LONRF2: variants seen among roughly 807,000 people sequenced by gnomAD.
LONRF2 encodes LON peptidase N-terminal domain and ring finger 2.
LONRF2 carries 35 observed loss-of-function variants against 66.6 expected under a neutral mutation model. The observed-to-expected ratio is 0.53, with a 90% CI of 0.40 to 0.70. The LOEUF is 0.70. LONRF2 is among the 30% of genes least tolerant of loss of function. LONRF2 has a pLI of 0.00. For synonymous variants in LONRF2, 417 were observed against 418.1 expected (o/e 1.00, Z 0.03); for missense variants, 902 against 1,002.1 (o/e 0.90, Z 1.35).
intron 10 of LONRF2, among the ~76,000 whole-genome samples, chr2:100,289,821 G>A (rs1197335181): frequency 1.3e-5 from 2 of 152,142 alleles, no homozygotes; most frequent in African/African-American, 4.8e-5. Flanking sequence ...GCTGAAGGCA[G>A]GGGCTCATGC....
At chr2:100,300,878 G>A in intron 3 of LONRF2, 91 bp from the exon 4 acceptor site, 2 of 982,928 alleles carry the variant, frequency 2.0e-6, no homozygotes, top group Non-Finnish European at 2.7e-6. Context: ...GAAACTAAGA[G>A]GCCAAATAAG....
rs568856819 is a variant in LONRF2 at position 100,320,551 on chromosome 2, G to T, written c.679+864C>A. Among the ~76,000 whole-genome samples, 4 of 152,296 alleles carry T rather than the reference G, an allele frequency of 2.6e-5. No individual in the cohort carries two copies. In the East Asian group the frequency reaches 7.7e-4, roughly 29 times the overall value. On this transcript the variant is annotated intron_variant, in intron 1 of 11. Coordinates refer to ENST00000393437, the MANE Select transcript of LONRF2 (RefSeq NM_198461.4). ...TAAAATGTGCACTGACTACAGCATG[G>T]TAGTAGATTATTTTAGTAACAAGAG...
At chr2:100,302,594 C>T (rs1436670750) in intron 3 of LONRF2, among the ~76,000 whole-genome samples, 1 of 152,186 alleles carries the variant, frequency 6.6e-6, no homozygotes, top group Non-Finnish European at 1.5e-5. Context: ...CGAATTGATA[C>T]ATTTTACATA....
chr2:100,305,771 A>C (rs1411656415), intron 2 of LONRF2, among the ~76,000 whole-genome samples: 2 of 152,224 alleles, frequency 1.3e-5, no homozygotes, highest in African/African-American at 4.8e-5. Context: ...ATAAATGTGA[A>C]GTTTTACTAA....
chr2:100,316,179 C>T (rs951880928), intron 1 of LONRF2, among the ~76,000 whole-genome samples: 1 of 151,726 alleles, frequency 6.6e-6, no homozygotes, highest in Non-Finnish European at 1.5e-5. Context: ...ATTAGCCAGG[C>T]GTTGTGGCAG....
intron 10 of LONRF2, among the ~76,000 whole-genome samples, chr2:100,289,886 T>G (rs1406076252): frequency 6.6e-6 from 1 of 152,152 alleles, no homozygotes; most frequent in Admixed American, 6.5e-5. Context: ...GGAGGACTGC[T>G]TGAGCCCAGG....
In LONRF2 at chr2:100,319,000, C is replaced by T. The variant is rs917710749; in HGVS notation, c.679+2415G>A. 1.1e-4 allele frequency among the ~76,000 whole-genome samples: 16 copies of T among 151,692 alleles called. No homozygotes were observed. The South Asian group carries it at 2.7e-3, about 26-fold the overall frequency. On this transcript the variant is annotated intron_variant, in intron 1 of 11. Coordinates refer to ENST00000393437, the MANE Select transcript of LONRF2 (RefSeq NM_198461.4). ...CAAAAATTAGCTGGGCATGGTAGTG[C>T]GTGCCTGTAATCCCAGCTACTTGGG...
At chr2:100,313,868 A>C (rs1345319400) in intron 1 of LONRF2, among the ~76,000 whole-genome samples, 2 of 152,182 alleles carry the variant, frequency 1.3e-5, no homozygotes, top group African/African-American at 4.8e-5. Context: ...CTGACTTCTC[A>C]CTAAATTATC....
intron 1 of LONRF2, among the ~76,000 whole-genome samples, chr2:100,320,691 C>T (rs1436352229): frequency 6.6e-6 from 1 of 152,124 alleles, no homozygotes; most frequent in Non-Finnish European, 1.5e-5. Flanking sequence ...GCCAATAGAG[C>T]GCATACTCAT....
At chr2:100,286,836 A>G in intron 11 of LONRF2, 78 bp downstream of exon 11, 3 of 1,506,642 alleles carry the variant, frequency 2.0e-6, no homozygotes, top group Non-Finnish European at 2.7e-6. Flanking sequence ...TCATACTGCC[A>G]AGCTCTCCAC....
At position 100,275,291 on chromosome 2, in the gene LONRF2, G is replaced by T. The variant is rs1411487370; in HGVS notation, c.*9007C>A. 1 of 152,262 alleles carries T rather than the reference G, an allele frequency of 6.6e-6. No individual in the cohort carries two copies. The highest frequency in any genetic ancestry group is 1.5e-5 in the Non-Finnish European group (1 of 68,112). The allele number at this position is 152,262 out of a possible 1,614,324, so 9.4% of individuals were successfully genotyped here. On this transcript the variant is annotated 3_prime_UTR_variant, in exon 12 of 12. Transcript: ENST00000393437. ...CTACTTTCTTGGCTGGTGGTCTCAG[G>T]GCAATGACGGTAGCTCCCTCCACAA...
Position 100,275,541 on chromosome 2 carries a change from T to C in LONRF2, c.*8757A>G, listed in dbSNP as rs1053897196. The C allele has an allele frequency of 2.0e-5, 3 of 152,198 alleles. No homozygotes were observed. The highest frequency in any genetic ancestry group is 7.2e-5 in the African/African-American group (3 of 41,454). The allele number at this position is 152,198 out of a possible 1,614,324, so 9.4% of individuals were successfully genotyped here. A position where few individuals can be genotyped will look rare whatever the true frequency, so the allele number is the denominator to read the frequency against. On this transcript the variant is annotated 3_prime_UTR_variant, in exon 12 of 12. Coordinates refer to ENST00000393437, the MANE Select transcript of LONRF2 (RefSeq NM_198461.4). ...GTGAGAGGCACCCTCCTCACAGAAATGACAGCCGCCAAAAGGTTTAAATGT... is the reference window on the plus strand; with the variant it reads ...GTGAGAGGCACCCTCCTCACAGAAACGACAGCCGCCAAAAGGTTTAAATGT...
At position 100,300,690 on chromosome 2, in the gene LONRF2, A is replaced by T. The variant is rs1675167450; in HGVS notation, c.1019T>A (p.Met340Lys). The T allele has an allele frequency of 1.2e-6, 2 of 1,613,736 alleles. No homozygotes were observed. Among genetic ancestry groups the T allele is most frequent in the East Asian group, 4.5e-5 (2 of 44,864 alleles). ...SRLKAQGHSH[M>K]NAQALLEEGD... ...TTCTTCCAGCAGAGCCTGGGCATTC[A>T]TGTGGCTGTGACCCTGAGCCTTTAA... The change falls in exon 4 of 12, where the codon ATG becomes AAG. Residue 340 changes from methionine (M) to lysine (K), a missense_variant. Transcript: ENST00000393437.
rs1465410414 is a variant in LONRF2, at chr2:100,302,999, A to G, written c.843T>C (p.Ser281=). The change falls in exon 3 of 12, where the codon AGT becomes AGC. Residue 281 remains serine (S), a synonymous_variant. Transcript: ENST00000393437. ...KAQALSGLGR[S]KEVLKEFLYC... is the part of the protein sequence containing the mutation. ...AGAGAAATTCCTTTAACACTTCCTT[A>G]CTTCTTCCCAATCCAGAAAGAGCCT... The G allele has an allele frequency of 2.5e-6, 4 of 1,610,970 alleles. No homozygotes were observed. In the African/African-American group the frequency reaches 5.3e-5, roughly 22 times the overall value.
intron 1 of LONRF2, among the ~76,000 whole-genome samples, chr2:100,320,540 A>G (rs551709287): frequency 5.9e-5 from 9 of 152,344 alleles, no homozygotes; most frequent in Non-Finnish European, 1.2e-4. Flanking sequence ...ATGTGCACTG[A>G]CTACAGCATG....
intron 1 of LONRF2, among the ~76,000 whole-genome samples, chr2:100,320,169 A>T (rs1405663806): frequency 6.6e-6 from 1 of 152,234 alleles, no homozygotes; most frequent in Non-Finnish European, 1.5e-5. Flanking sequence ...GCTAAAATAA[A>T]TTTCACCTGC....
At position 100,290,384 on chromosome 2, in the gene LONRF2, G is replaced by A. The variant is rs774083116; in HGVS notation, c.1794C>T (p.Asp598=). ...AACTTCCATCAGGAAACGTTCTCAC[G>A]TCCTTAATCTCCAGCATGCATCCAT... ...SEYGCMLEIK[D]VRTFPDGSSV... Residue 598 remains aspartate, a synonymous_variant, in exon 10 of 12, where the codon GAC becomes GAT. Transcript: ENST00000393437. The A allele has an allele frequency of 1.9e-5, 31 of 1,613,848 alleles. No homozygotes were observed. The highest frequency in any genetic ancestry group is 6.7e-5 in the African/African-American group (5 of 74,906).
In LONRF2 at chr2:100,281,187, T is replaced by G. The variant is rs866286483; in HGVS notation, c.*3111A>C. The G allele has an allele frequency of 1.3e-5, 2 of 152,230 alleles. No homozygotes were observed. Among genetic ancestry groups the G allele is most frequent in the Non-Finnish European group, 2.9e-5 (2 of 68,040 alleles). 9.4% of individuals were successfully genotyped at this position (152,230 alleles called of 1,614,324 possible). On this transcript the variant is annotated 3_prime_UTR_variant, in exon 12 of 12. Transcript: ENST00000393437. ...CATTGTTATTCTACCATCCATAAAC[T>G]TCAACTGTTCCTTGATGATTCAAAT...
rs1675639429 is a variant in LONRF2 at position 100,321,847 on chromosome 2, C to G, written c.247G>C (p.Gly83Arg). 35 of 1,159,906 alleles carry G rather than the reference C, an allele frequency of 3.0e-5. No homozygotes were observed. The highest frequency in any genetic ancestry group is 4.7e-5 in the Admixed American group (1 of 21,214). The allele number at this position is 1,159,906 out of a possible 1,614,324, so 71.9% of individuals were successfully genotyped here. The stretch of plus-strand genomic sequence containing the variant: ...CGCAGCGCCCCGAGCCGCGCGGCGC[C>G]GCGGAACGCGCCCAGGGCTTCGGGG... Reference protein sequence around the residue: ...RLPEALGAFRGAARLGALRPE... With the variant: ...RLPEALGAFRRAARLGALRPE... Residue 83 changes from glycine to arginine, a missense_variant, in exon 1 of 12, where the codon GGC becomes CGC. By Grantham distance (125) the Gly-to-Arg change is moderately radical. Coordinates refer to ENST00000393437, the MANE Select transcript of LONRF2 (RefSeq NM_198461.4).
Sources: allele counts gnomAD v4.1 joint callset (sites outside exome capture counted in the v4.1 genomes callset), GRCh38; gene constraint gnomAD v4.1.1; transcripts MANE v1.5; gene names NCBI Gene and HGNC (gene_info 2026-07-23, HGNC 2026-07-21).